The following PPP1R9A variants were observed in gnomAD, a reference collection of about 807,000 sequenced individuals.
The protein encoded by PPP1R9A is protein phosphatase 1 regulatory subunit 9A, also known as neurabin-1.
In PPP1R9A, 59 loss-of-function variants were observed where a neutral mutation model predicts 141.9. That is an observed-to-expected ratio of 0.42 (90% CI 0.34 to 0.52). The LOEUF is 0.52. Among genes scored for constraint, PPP1R9A ranks in the 20% least tolerant of loss-of-function variants. The probability of loss-of-function intolerance (pLI) is 0.10; values close to 1 mark genes in which losing one functional copy is unlikely to be tolerated. For synonymous variants in PPP1R9A, 500 were observed against 569.7 expected (o/e 0.88, Z 1.74); for missense variants, 1,444 against 1,611.9 (o/e 0.90, Z 1.78).
chr7:95,251,668 A>G, intron 10 of PPP1R9A, 94 bp from the exon 11 acceptor site: 1 of 1,135,056 alleles, frequency 8.8e-7, no homozygotes, highest in Non-Finnish European at 1.2e-6. Context: ...ATAACTGTTC[A>G]GTTGCTTATC....
chr7:95,181,324 T>G lies in PPP1R9A; in HGVS notation c.1755-17025T>G, dbSNP rs1375398179. ...ATAGAGAGAATATATATAGAATATA[T>G]ATATAGAATATATAGAATATATATA... On this transcript the variant is annotated intron_variant, in intron 5 of 19. Transcript: ENST00000433360. Among the ~76,000 whole-genome samples, 9 of 140,406 alleles carry G rather than the reference T, an allele frequency of 6.4e-5. No homozygotes were observed. In the Admixed American group the frequency reaches 6.8e-4, roughly 11 times the overall value. The allele number at this position is 140,406 out of a possible 152,430, so 92.1% of individuals were successfully genotyped here.
In PPP1R9A at chr7:94,910,855, A is replaced by G; in HGVS notation, c.742A>G (p.Thr248Ala). The change falls in exon 2 of 20, where the codon ACA becomes GCA. Residue 248 changes from threonine to alanine, a missense_variant. Coordinates refer to ENST00000433360, the MANE Select transcript of PPP1R9A (RefSeq NM_001166160.2). The surrounding 1 kb of genome is among the most constrained non-coding windows in gnomAD (Gnocchi z 4.5). ...ATCTGTTACTGTTACAAATCTTGAC[A>G]CATTTGGTCACCTGAAGGATTCTAA... ...LPSVTVTNLD[T>A]FGHLKDSNSW... 6.2e-7 allele frequency: 1 copy of G among 1,613,934 alleles called. No individual in the cohort carries two copies.
chr7:95,108,298 G>A (rs1223406084), intron 2 of PPP1R9A, among the ~76,000 whole-genome samples: 5 of 76,368 alleles, frequency 6.5e-5, no homozygotes, highest in South Asian at 3.6e-4. Context: ...TTTCTTTTTC[G>A]TTTCTTTTCT....
intron 5 of PPP1R9A, among the ~76,000 whole-genome samples, chr7:95,183,615 T>C (rs1417021314): frequency 6.6e-6 from 1 of 151,494 alleles, no homozygotes; most frequent in African/African-American, 2.4e-5. Flanking sequence ...CACACATGGC[T>C]TTTTTGTATT....
chr7:95,072,449 T>C (rs1813976330), intron 2 of PPP1R9A, among the ~76,000 whole-genome samples: 1 of 143,864 alleles, frequency 7.0e-6, no homozygotes. Context: ...TAGTTTTCAA[T>C]TGTGACTATA....
intron 2 of PPP1R9A, among the ~76,000 whole-genome samples, chr7:94,972,581 C>T (rs1798974889): frequency 6.6e-6 from 1 of 152,132 alleles, no homozygotes; most frequent in Non-Finnish European, 1.5e-5. Context: ...TATGATTTTG[C>T]TAGCATTAGC....
chr7:94,913,534 T>A (rs1480534435), intron 2 of PPP1R9A, among the ~76,000 whole-genome samples: 1 of 152,148 alleles, frequency 6.6e-6, no homozygotes. Flanking sequence ...TTAACAGGAC[T>A]TCTTGGAGTG....
chr7:95,148,981 T>C (rs1159213985), intron 4 of PPP1R9A, among the ~76,000 whole-genome samples: 1 of 152,060 alleles, frequency 6.6e-6, no homozygotes, highest in East Asian at 1.9e-4. Context: ...TATATTGATA[T>C]ATACAAATAT....
At chr7:95,138,282 C>A (rs566235437) in intron 4 of PPP1R9A, among the ~76,000 whole-genome samples, 23 of 152,096 alleles carry the variant, frequency 1.5e-4, no homozygotes, top group Non-Finnish European at 2.9e-4. Context: ...AAAAGTATAG[C>A]CTTTTCAGCA....
At chr7:95,142,462 C>T (rs1054222710) in intron 4 of PPP1R9A, among the ~76,000 whole-genome samples, 1 of 152,012 alleles carries the variant, frequency 6.6e-6, no homozygotes, top group African/African-American at 2.4e-5. Flanking sequence ...TCATCTTCCT[C>T]TAAGAGTTTT....
intron 2 of PPP1R9A, among the ~76,000 whole-genome samples, chr7:94,996,241 A>T (rs766501465): frequency 2.0e-5 from 3 of 152,214 alleles, no homozygotes; most frequent in Non-Finnish European, 4.4e-5. Context: ...ACAGAATAAC[A>T]TTTTCATGTC....
At chr7:94,936,812 G>A (rs1467874319) in intron 2 of PPP1R9A, among the ~76,000 whole-genome samples, 1 of 152,008 alleles carries the variant, frequency 6.6e-6, no homozygotes, top group Admixed American at 6.6e-5. Context: ...TTTAGTAAAT[G>A]ACCAGTCCCT....
intron 9 of PPP1R9A, among the ~76,000 whole-genome samples, chr7:95,249,676 A>G (rs59046068): frequency 0.011 from 1,627 of 152,122 alleles, 30 homozygotes; most frequent in African/African-American, 0.037. Flanking sequence ...ATATTTTTTA[A>G]AAACTCTCAA....
chr7:95,197,777 T>C (rs910458884), intron 5 of PPP1R9A, among the ~76,000 whole-genome samples: 1 of 151,990 alleles, frequency 6.6e-6, no homozygotes, highest in Non-Finnish European at 1.5e-5. Context: ...GCCTCCAGAG[T>C]AGCTGGGACT....
chr7:95,251,133 T>C (rs1403167618), intron 10 of PPP1R9A, among the ~76,000 whole-genome samples: 1 of 152,240 alleles, frequency 6.6e-6, no homozygotes, highest in Non-Finnish European at 1.5e-5. Context: ...TTATTCTCTG[T>C]GACTATAAAT....
chr7:95,111,186 C>G, intron 2 of PPP1R9A, 73 bp from the exon 3 acceptor site: 1 of 1,404,970 alleles, frequency 7.1e-7, no homozygotes. Flanking sequence ...AATGTTTAAA[C>G]TTACATAGTT....
intron 5 of PPP1R9A, among the ~76,000 whole-genome samples, chr7:95,188,755 C>T (rs1835027865): frequency 6.6e-6 from 1 of 151,886 alleles, no homozygotes; most frequent in Non-Finnish European, 1.5e-5. Context: ...CCTGCCACTG[C>T]ACCTGGATAA....
intron 2 of PPP1R9A, among the ~76,000 whole-genome samples, chr7:95,025,991 G>T (rs1253897945): frequency 6.6e-6 from 1 of 152,084 alleles, no homozygotes; most frequent in Non-Finnish European, 1.5e-5. Flanking sequence ...TTTTATCAAG[G>T]TTCTTAGCTT....
chr7:95,277,594 T>C (rs1359963557), intron 16 of PPP1R9A, among the ~76,000 whole-genome samples: 1 of 151,902 alleles, frequency 6.6e-6, no homozygotes, highest in Non-Finnish European at 1.5e-5. Flanking sequence ...CATGTCCAGC[T>C]TAAAAAAAAA....
Sources: gnomAD v4.1 joint callset for allele counts (sites outside exome capture counted in the v4.1 genomes callset) on GRCh38, gnomAD v4.1.1 for gene constraint, Gnocchi (gnomAD v3.1) non-coding constraint, MANE v1.5 for transcripts, NCBI Gene and HGNC (gene_info 2026-07-23, HGNC 2026-07-21) for gene names.